Variants in FAM3B observed in about 807,000 individuals in gnomAD.
The protein encoded by FAM3B is FAM3 metabolism regulating signaling molecule B, also known as protein FAM3B.
Under a neutral mutation model 28.4 loss-of-function variants are expected in FAM3B, and 29 were observed. The ratio of observed to expected loss-of-function variants is 1.02; its 90% CI spans 0.76 to 1.39. The LOEUF (loss-of-function observed/expected upper bound fraction) is 1.39. Among genes scored for constraint, FAM3B ranks in the 40% most tolerant of loss-of-function variants. The probability of loss-of-function intolerance (pLI) is 0.00; values close to 1 mark genes in which losing one functional copy is unlikely to be tolerated. For synonymous variants in FAM3B, 91 were observed against 103.0 expected (o/e 0.88, Z 0.71); for missense variants, 266 against 293.9 (o/e 0.91, Z 0.69).
At position 41,348,448 on chromosome 21, in the gene FAM3B, A is replaced by G. The variant is rs969646549; in HGVS notation, c.486-144A>G. The stretch of plus-strand genomic sequence containing the variant: ...GAAGCATGTGTGCCTCTTAGCTGCC[A>G]CTGTGTGTCATGCACTGCAGCAGGA... On this transcript the variant is annotated intron_variant, in intron 6 of 7. Transcript: ENST00000357985. 36 of 825,884 alleles carry G rather than the reference A, an allele frequency of 4.4e-5. No individual in the cohort carries two copies. In the African/African-American group the frequency reaches 5.0e-4, roughly 11 times the overall value. The allele number at this position is 825,884 out of a possible 1,614,324, so 51.2% of individuals were successfully genotyped here.
At position 41,336,372 on chromosome 21, in the gene FAM3B, A is replaced by C. The variant is rs181076334; in HGVS notation, c.164-2006A>C. Among the ~76,000 whole-genome samples, 16 of 152,296 alleles carry C rather than the reference A, an allele frequency of 1.1e-4. No individual in the cohort carries two copies. The East Asian group carries it at 2.9e-3, about 28-fold the overall frequency. On this transcript the variant is annotated intron_variant, in intron 2 of 7. Transcript: ENST00000357985. ...CCCCATCTCTACTAAAAATACAAAAATTAGCCAGATGTGGTGGTGCATGCC... is the reference window on the plus strand; with the variant it reads ...CCCCATCTCTACTAAAAATACAAAACTTAGCCAGATGTGGTGGTGCATGCC...
intron 2 of FAM3B, 29 bp downstream of exon 2, chr21:41,323,095 G>A: frequency 1.3e-6 from 2 of 1,597,678 alleles, no homozygotes; most frequent in Non-Finnish European, 1.7e-6. Flanking sequence ...GCAGACGGCT[G>A]CCTTCATGGC....
chr21:41,348,565 T>A (rs1443979225), intron 6 of FAM3B, 27 bp from the exon 7 acceptor site: 3 of 1,613,850 alleles, frequency 1.9e-6, no homozygotes, highest in Admixed American at 3.3e-5. Flanking sequence ...CCTGAGATGC[T>A]CACATGCTTT....
chr21:41,337,019 T>G (rs1362013513), intron 2 of FAM3B, among the ~76,000 whole-genome samples: 1 of 152,234 alleles, frequency 6.6e-6, no homozygotes, highest in African/African-American at 2.4e-5. Context: ...TCATTTACAT[T>G]TGTGGTAATT....
At chr21:41,317,944 G>T (rs946026695) in intron 1 of FAM3B, among the ~76,000 whole-genome samples, 65 of 152,070 alleles carry the variant, frequency 4.3e-4, no homozygotes, top group African/African-American at 1.5e-3. Context: ...TGGATTGTAG[G>T]AGAGATATGT....
intron 1 of FAM3B, among the ~76,000 whole-genome samples, chr21:41,310,622 C>T (rs530978125): frequency 5.3e-5 from 8 of 152,302 alleles, no homozygotes; most frequent in African/African-American, 1.9e-4. Flanking sequence ...CCAAAATGAG[C>T]ACACCCTTCT....
At chr21:41,339,938 A>G (rs745676433) in intron 3 of FAM3B, among the ~76,000 whole-genome samples, 2 of 152,132 alleles carry the variant, frequency 1.3e-5, no homozygotes, top group Non-Finnish European at 2.9e-5. Context: ...TGCTGGTAAC[A>G]TGGCTGAGCC....
At chr21:41,305,689 G>T (rs562774301) in intron 1 of FAM3B, among the ~76,000 whole-genome samples, 1 of 152,264 alleles carries the variant, frequency 6.6e-6, no homozygotes, top group East Asian at 1.9e-4. Flanking sequence ...AATACAATGT[G>T]CATACCTTAA....
At position 41,357,318 on chromosome 21, in the gene FAM3B, C is replaced by G; in HGVS notation, c.*121C>G. On this transcript the variant is annotated 3_prime_UTR_variant, in exon 8 of 8. Transcript: ENST00000357985. Reference sequence around the variant, plus strand: ...ATGAGTATTTTGGGTTTGTTGTAAACCAATGAACATTTGCTAGTTGTATCA... The same window carrying G: ...ATGAGTATTTTGGGTTTGTTGTAAAGCAATGAACATTTGCTAGTTGTATCA... The G allele has an allele frequency of 1.9e-6, 1 of 523,244 alleles. No homozygotes were observed. Among genetic ancestry groups the G allele is most frequent in the East Asian group, 3.4e-5 (1 of 29,810 alleles). 32.4% of individuals were successfully genotyped at this position (523,244 alleles called of 1,614,324 possible). A position where few individuals can be genotyped will look rare whatever the true frequency, so the allele number is the denominator to read the frequency against.
At chr21:41,344,412 A>C in intron 3 of FAM3B, 64 bp from the exon 4 acceptor site, 5 of 1,485,082 alleles carry the variant, frequency 3.4e-6, no homozygotes, top group Non-Finnish European at 4.7e-6. Context: ...TCAGGCGAAG[A>C]CTTCGCGGAG....
intron 2 of FAM3B, among the ~76,000 whole-genome samples, chr21:41,335,929 AT>A (rs2088951629): frequency 6.6e-6 from 1 of 152,188 alleles, no homozygotes; most frequent in Admixed American, 6.5e-5. Flanking sequence ...GTAAAGAGCA[AT>A]TCAAGTCTCC....
intron 3 of FAM3B, among the ~76,000 whole-genome samples, chr21:41,342,610 C>G (rs1251771491): frequency 6.6e-6 from 1 of 152,188 alleles, no homozygotes; most frequent in Non-Finnish European, 1.5e-5. Flanking sequence ...GCTGTCAAAC[C>G]CATTCAATCA....
intron 1 of FAM3B, among the ~76,000 whole-genome samples, chr21:41,309,401 C>G (rs1295124987): frequency 6.6e-6 from 1 of 152,202 alleles, no homozygotes; most frequent in African/African-American, 2.4e-5. Context: ...AGGGTCTCTT[C>G]CTTGCTAGGC....
At position 41,329,812 on chromosome 21, in the gene FAM3B, C is replaced by T. The variant is rs928363743; in HGVS notation, c.163+6746C>T. Among the ~76,000 whole-genome samples, 14 of 152,150 alleles carry T rather than the reference C, an allele frequency of 9.2e-5. 1 individual carries two copies. The South Asian group carries it at 1.0e-3, about 11-fold the overall frequency. ...CTCGAACTCCTGACCTCAGGTGATC[C>T]GCCCACCTCAGCCTCCCAAACTGCT... On this transcript the variant is annotated intron_variant, in intron 2 of 7. Transcript: ENST00000357985.
chr21:41,348,597 A>G lies in FAM3B; in HGVS notation c.491A>G (p.Asn164Ser). 1 of 1,614,222 alleles carries G rather than the reference A, an allele frequency of 6.2e-7. No individual in the cohort carries two copies. The highest frequency in any genetic ancestry group is 8.5e-7 in the Non-Finnish European group (1 of 1,180,038). Residue 164 changes from asparagine (N) to serine (S), a missense_variant, in exon 7 of 8, where the codon AAT becomes AGT. Asn to Ser is a conservative substitution (Grantham distance 46). Transcript: ENST00000357985. ...CTTTTCCCTTTGTCCTGCAGACTGA[A>G]TAACGATGCCAAGAATGCCATAGAA... ...VTYDDGSTRL[N>S]NDAKNAIEAL...
intron 2 of FAM3B, among the ~76,000 whole-genome samples, chr21:41,334,029 G>A (rs2088930209): frequency 1.3e-5 from 2 of 152,190 alleles, no homozygotes; most frequent in South Asian, 4.1e-4. Flanking sequence ...ATCATTTAGG[G>A]TATCTGATGG....
intron 2 of FAM3B, among the ~76,000 whole-genome samples, chr21:41,327,637 G>T (rs2088865803): frequency 6.6e-6 from 1 of 152,196 alleles, no homozygotes; most frequent in Admixed American, 6.5e-5. Flanking sequence ...TTACTCTTGT[G>T]ATTAATTTCT....
intron 3 of FAM3B, among the ~76,000 whole-genome samples, chr21:41,339,529 G>A (rs7278951): frequency 0.35 from 53,163 of 152,000 alleles, 10,991 homozygotes; most frequent in African/African-American, 0.58. Context: ...ATGAATTTAC[G>A]TTAGCATTTA....
chr21:41,335,292 G>A (rs1160151290), intron 2 of FAM3B, among the ~76,000 whole-genome samples: 1 of 152,118 alleles, frequency 6.6e-6, no homozygotes, highest in African/African-American at 2.4e-5. Context: ...GGGACCAGGG[G>A]CAAAATGATG....
Sources: allele counts gnomAD v4.1 joint callset (sites outside exome capture counted in the v4.1 genomes callset), GRCh38; gene constraint gnomAD v4.1.1; transcripts MANE v1.5; gene names NCBI Gene and HGNC (gene_info 2026-07-23, HGNC 2026-07-21).